The following PHF21B variants were observed in gnomAD, a reference collection of about 807,000 sequenced individuals.
PHF21B encodes PHD finger protein 21B.
In PHF21B, 22 loss-of-function variants were observed where a neutral mutation model predicts 62.2. The ratio of observed to expected loss-of-function variants is 0.35; its 90% CI spans 0.25 to 0.51. The LOEUF is 0.51. Ranked by LOEUF, PHF21B falls within the 20% of genes least tolerant of loss-of-function variation. The pLI, the probability that PHF21B is intolerant of heterozygous loss-of-function variation, is 0.97. For synonymous variants in PHF21B, 341 were observed against 314.7 expected (o/e 1.08, Z -0.88); for missense variants, 701 against 707.9 (o/e 0.99, Z 0.11).
intron 2 of PHF21B, among the ~76,000 whole-genome samples, chr22:45,006,051 G>T (rs115451672): frequency 6.6e-6 from 1 of 152,038 alleles, no homozygotes; most frequent in Non-Finnish European, 1.5e-5. Context: ...AGAGGGAGAG[G>T]GGAGTAAATG....
chr22:44,907,669 C>T (rs545759105), intron 5 of PHF21B, among the ~76,000 whole-genome samples: 3 of 152,284 alleles, frequency 2.0e-5, no homozygotes, highest in South Asian at 4.1e-4. Flanking sequence ...AAGAGATGAG[C>T]GTTCATTACT....
At chr22:45,007,854 G>A (rs2147553046) in intron 2 of PHF21B, among the ~76,000 whole-genome samples, 1 of 151,792 alleles carries the variant, frequency 6.6e-6, no homozygotes, top group African/African-American at 2.4e-5. Context: ...CCCGAGCGCT[G>A]AGCTCAGCGC....
chr22:44,940,036 G>A (rs186058122), intron 2 of PHF21B, among the ~76,000 whole-genome samples: 7 of 152,274 alleles, frequency 4.6e-5, no homozygotes, highest in Admixed American at 2.6e-4. Flanking sequence ...GGCCAGTGGG[G>A]TGGGGACTCA....
chr22:44,919,913 G>C (rs923397740), intron 3 of PHF21B, among the ~76,000 whole-genome samples: 11 of 152,252 alleles, frequency 7.2e-5, no homozygotes, highest in Non-Finnish European at 1.6e-4. Context: ...GGGGCAAAGC[G>C]TGGAGTCCAG....
chr22:44,926,559 G>A (rs2071636103), intron 2 of PHF21B, among the ~76,000 whole-genome samples: 1 of 152,254 alleles, frequency 6.6e-6, no homozygotes, highest in African/African-American at 2.4e-5. Context: ...GTGCCTCTGT[G>A]AGTCCTGGAG....
At chr22:44,903,151 C>T (rs2071190746) in intron 5 of PHF21B, among the ~76,000 whole-genome samples, 1 of 152,196 alleles carries the variant, frequency 6.6e-6, no homozygotes, top group Admixed American at 6.5e-5. Flanking sequence ...CCAAGCACTC[C>T]CTCCTCCAGC....
rs765988610 is a variant in PHF21B, at chr22:44,886,826, A to G, written c.1198-888T>C. ...TCCCCACAGAACCAGGGATGATGGG[A>G]ACTCCCAATGGTTAATACTTTTTGA... is the stretch of plus-strand genomic sequence containing the variant. On this transcript the variant is annotated intron_variant, in intron 10 of 12. Transcript: ENST00000313237. Among the ~76,000 whole-genome samples the G allele has an allele frequency of 1.9e-4, 29 of 152,206 alleles. 1 individual carries two copies. The highest frequency in any genetic ancestry group is 3.7e-4 in the Non-Finnish European group (25 of 68,040).
intron 4 of PHF21B, among the ~76,000 whole-genome samples, chr22:44,914,657 GA>G (rs2071403497): frequency 6.6e-6 from 1 of 152,204 alleles, no homozygotes; most frequent in Non-Finnish European, 1.5e-5. Context: ...GCACAGGTGG[GA>G]ATAACATTCT....
chr22:44,931,253 T>C (rs1488158426), intron 2 of PHF21B, among the ~76,000 whole-genome samples: 1 of 152,116 alleles, frequency 6.6e-6, no homozygotes, highest in African/African-American at 2.4e-5. Context: ...GACTCCAGAA[T>C]GCTGCTCATG....
intron 2 of PHF21B, among the ~76,000 whole-genome samples, chr22:44,926,294 G>A (rs1326286495): frequency 2.0e-5 from 3 of 152,256 alleles, no homozygotes; most frequent in African/African-American, 2.4e-5. Context: ...GTGGATTCCC[G>A]AGGCAGGTTC....
intron 2 of PHF21B, among the ~76,000 whole-genome samples, chr22:44,946,566 G>A (rs2072076953): frequency 6.6e-6 from 1 of 152,064 alleles, no homozygotes; most frequent in Non-Finnish European, 1.5e-5. Context: ...GACAGTGGGT[G>A]GACATACGGA....
Position 44,896,023 on chromosome 22 carries a change from C to A in PHF21B, c.883+9G>T. On this transcript the variant is annotated intron_variant, in intron 6 of 12. Coordinates refer to ENST00000313237, the MANE Select transcript of PHF21B (RefSeq NM_138415.5). Reference sequence around the variant, plus strand: ...AGCCCAACCTGCTGCTACCTGGATCCTTCCTTACCTTCCAAATGTTCCGTG... The same window carrying A: ...AGCCCAACCTGCTGCTACCTGGATCATTCCTTACCTTCCAAATGTTCCGTG... The A allele has an allele frequency of 6.2e-7, 1 of 1,614,202 alleles. No individual in the cohort carries two copies. The highest frequency in any genetic ancestry group is 8.5e-7 in the Non-Finnish European group (1 of 1,180,022).
At chr22:44,940,098 C>A (rs565051853) in intron 2 of PHF21B, among the ~76,000 whole-genome samples, 1 of 152,178 alleles carries the variant, frequency 6.6e-6, no homozygotes, top group Non-Finnish European at 1.5e-5. Context: ...AAAAAGCAAT[C>A]TGAAAGCAAT....
chr22:44,913,342 C>T lies in PHF21B; in HGVS notation c.831+480G>A, dbSNP rs570172038. On this transcript the variant is annotated intron_variant, in intron 5 of 12. Coordinates refer to ENST00000313237, the MANE Select transcript of PHF21B (RefSeq NM_138415.5). ...GCCACTGCCCAGAGGAGCCCCTTTC[C>T]CTCCTAGACTCAGGACAGAGGGGCC... Among the ~76,000 whole-genome samples the T allele has an allele frequency of 1.9e-4, 29 of 152,310 alleles. No individual in the cohort carries two copies. In the South Asian group the frequency reaches 2.3e-3, roughly 12 times the overall value.
intron 2 of PHF21B, among the ~76,000 whole-genome samples, chr22:44,946,335 C>T (rs2072070562): frequency 6.6e-6 from 1 of 152,174 alleles, no homozygotes; most frequent in African/African-American, 2.4e-5. Flanking sequence ...CTACCAGCAC[C>T]TTCTATGCCC....
At chr22:44,933,450 G>C (rs1221686455) in intron 2 of PHF21B, 1 of 985,388 alleles carries the variant, frequency 1.0e-6, no homozygotes, top group African/African-American at 1.7e-5. Flanking sequence ...ACTAAACTCA[G>C]CAAGTGTTCA....
intron 2 of PHF21B, among the ~76,000 whole-genome samples, chr22:44,998,233 T>C (rs1180477680): frequency 6.6e-6 from 1 of 152,232 alleles, no homozygotes; most frequent in Non-Finnish European, 1.5e-5. Flanking sequence ...AACACCCAGG[T>C]GTCCTGAGGG....
intron 2 of PHF21B, among the ~76,000 whole-genome samples, chr22:44,945,275 C>T (rs1043736797): frequency 1.1e-4 from 16 of 152,192 alleles, no homozygotes; most frequent in African/African-American, 3.6e-4. Flanking sequence ...CGGACAGGCT[C>T]GCTCTGGGTA....
At chr22:45,006,812 T>G (rs1296237883) in intron 2 of PHF21B, among the ~76,000 whole-genome samples, 1 of 152,066 alleles carries the variant, frequency 6.6e-6, no homozygotes, top group African/African-American at 2.4e-5. Context: ...AAAAAGGGCT[T>G]AGTAACCCTC....
Sources: allele counts gnomAD v4.1 joint callset (sites outside exome capture counted in the v4.1 genomes callset), GRCh38; gene constraint gnomAD v4.1.1; transcripts MANE v1.5; gene names NCBI Gene and HGNC (gene_info 2026-07-23, HGNC 2026-07-21).